Variants in PTCH1 observed in about 807,000 individuals in gnomAD.
PTCH1 encodes patched 1, also known as protein patched homolog 1.
Under a neutral mutation model 144.6 loss-of-function variants are expected in PTCH1, and 14 were observed. The observed-to-expected ratio is 0.10, with a 90% CI of 0.06 to 0.15. The LOEUF is 0.15. Among genes scored for constraint, PTCH1 ranks in the 10% least tolerant of loss-of-function variants. The pLI is 1.00. For missense variants in PTCH1, 1,623 were observed against 1,948.3 expected (o/e 0.83, Z 3.14); for synonymous variants, 833 against 793.6 (o/e 1.05, Z -0.83).
chr9:95,478,292 T>G (rs2118344461), intron 8 of PTCH1, 106 bp from the exon 9 acceptor site: 3 of 1,542,752 alleles, frequency 1.9e-6, no homozygotes, highest in East Asian at 2.3e-5. Flanking sequence ...TTTTTTCTGA[T>G]GCATTTTTTA....
intron 2 of PTCH1, among the ~76,000 whole-genome samples, chr9:95,488,890 G>C (rs1472548394): frequency 1.3e-5 from 2 of 152,210 alleles, no homozygotes; most frequent in African/African-American, 4.8e-5. Context: ...GAGAAACAGC[G>C]TTCTGGGTAG....
At chr9:95,470,813 G>A (rs1008318986) in intron 12 of PTCH1, among the ~76,000 whole-genome samples, 8 of 152,120 alleles carry the variant, frequency 5.3e-5, no homozygotes, top group African/African-American at 1.7e-4. Flanking sequence ...GGTGGCTCAC[G>A]CCTATAATCC....
chr9:95,515,967 C>T (rs1450697459), intron 1 of PTCH1, among the ~76,000 whole-genome samples: 1 of 151,974 alleles, frequency 6.6e-6, no homozygotes, highest in Non-Finnish European at 1.5e-5. Flanking sequence ...CTGGCGGCAG[C>T]GGCTTCCGCG....
chr9:95,505,913 G>A (rs1484194488), intron 2 of PTCH1, among the ~76,000 whole-genome samples: 1 of 143,442 alleles, frequency 7.0e-6, no homozygotes, highest in Non-Finnish European at 1.5e-5. Context: ...CGCGGCGGCC[G>A]CGGCCGCCGG....
chr9:95,479,669 C>T (rs1002704006), intron 7 of PTCH1, among the ~76,000 whole-genome samples: 3 of 152,134 alleles, frequency 2.0e-5, no homozygotes, highest in African/African-American at 7.2e-5. Flanking sequence ...CAGTGTGTCC[C>T]GGCCTACTTT....
chr9:95,460,077 A>G (rs1168376623), intron 16 of PTCH1: 1 of 448,280 alleles, frequency 2.2e-6, no homozygotes. Flanking sequence ...AAGGCAGAGA[A>G]TGAACAATCT....
upstream of PTCH1, among the ~76,000 whole-genome samples, chr9:95,510,094 C>G (rs1294220631): frequency 6.6e-6 from 1 of 151,304 alleles, no homozygotes; most frequent in Non-Finnish European, 1.5e-5. Context: ...GAGGCAGAGG[C>G]GTTTTTATTT....
chr9:95,475,995 CG>C (rs770455556), intron 12 of PTCH1, 38 bp downstream of exon 12: 1 of 1,612,170 alleles, frequency 6.2e-7, no homozygotes, highest in Non-Finnish European at 8.5e-7. Flanking sequence ...GTCAGTGCCC[CG>C]TTCAGGATCA....
chr9:95,462,419 ACATT>A (rs1378204725), intron 15 of PTCH1, among the ~76,000 whole-genome samples: 1 of 152,164 alleles, frequency 6.6e-6, no homozygotes, highest in African/African-American at 2.4e-5. Flanking sequence ...GGGAAAAAGC[ACATT>A]CAAACTCCCC....
In PTCH1 at chr9:95,444,509, G is replaced by GCACGCACACA. The variant is rs1554687133; in HGVS notation, c.*1883_*1884insTGTGTGCGTG. The stretch of plus-strand genomic sequence containing the variant: ...CAGAGACACACACACACGCACGCAC[G>GCACGCACACA]CACACACACACACACACACCCAGCA... On this transcript the variant is annotated 3_prime_UTR_variant, in exon 24 of 24. Coordinates refer to ENST00000331920, the MANE Select transcript of PTCH1 (RefSeq NM_000264.5). The GCACGCACACA allele has an allele frequency of 6.7e-6, 1 of 149,002 alleles. No individual in the cohort carries two copies. Among genetic ancestry groups the GCACGCACACA allele is most frequent in the African/African-American group, 2.5e-5 (1 of 40,694 alleles). 9.2% of individuals were successfully genotyped at this position (149,002 alleles called of 1,614,324 possible). A position where few individuals can be genotyped will look rare whatever the true frequency, so the allele number is the denominator to read the frequency against.
At position 95,449,786 on chromosome 9, in the gene PTCH1, G is replaced by A; in HGVS notation, c.3549+55C>T. ...AAGTATCGAAGTGAAGAGCGGCACA[G>A]GAAACACAGCATTCAGCCGGCCTAC... is the stretch of plus-strand genomic sequence containing the variant. On this transcript the variant is annotated intron_variant, in intron 21 of 23. Transcript: ENST00000331920. The surrounding 1 kb of genome is among the most constrained non-coding windows in gnomAD (Gnocchi z 5.3). The A allele has an allele frequency of 1.3e-6, 2 of 1,498,614 alleles. No homozygotes were observed. Among genetic ancestry groups the A allele is most frequent in the Non-Finnish European group, 1.9e-6 (2 of 1,077,732 alleles). 92.8% of individuals were successfully genotyped at this position (1,498,614 alleles called of 1,614,324 possible). A position where few individuals can be genotyped will look rare whatever the true frequency, so the allele number is the denominator to read the frequency against.
chr9:95,496,046 T>C (rs1358215919), intron 2 of PTCH1, among the ~76,000 whole-genome samples: 1 of 152,194 alleles, frequency 6.6e-6, no homozygotes, highest in African/African-American at 2.4e-5. Context: ...TTTGGCGTAT[T>C]CACCAACAAG....
intron 2 of PTCH1, among the ~76,000 whole-genome samples, chr9:95,501,379 C>A (rs935486140): frequency 1.3e-5 from 2 of 152,018 alleles, no homozygotes; most frequent in African/African-American, 2.4e-5. Flanking sequence ...GGTTGAGGGA[C>A]CTTGCTCCAA....
Position 95,508,478 on chromosome 9 carries a change from C to T in PTCH1, c.-117G>A. 9.8e-7 allele frequency: 1 copy of T among 1,021,730 alleles called. No homozygotes were observed. Among genetic ancestry groups the T allele is most frequent in the Non-Finnish European group, 1.2e-6 (1 of 853,868 alleles). 63.3% of individuals were successfully genotyped at this position (1,021,730 alleles called of 1,614,324 possible). On this transcript the variant is annotated 5_prime_UTR_variant, in exon 1 of 24. Transcript: ENST00000331920. ...GGGCGCTCGGCTTGCGAGGACGCTG[C>T]TGGCCGCAGGCTGCTCGGGCTCGGG...
At chr9:95,515,031 C>T (rs187575453) in intron 1 of PTCH1, among the ~76,000 whole-genome samples, 3 of 152,248 alleles carry the variant, frequency 2.0e-5, no homozygotes, top group African/African-American at 7.2e-5. Flanking sequence ...CAATCGAAAG[C>T]CCCTTGTTTT....
At chr9:95,490,161 A>G (rs148369874) in intron 2 of PTCH1, among the ~76,000 whole-genome samples, 183 of 151,254 alleles carry the variant, frequency 1.2e-3, no homozygotes, top group African/African-American at 4.1e-3. Context: ...CAATTTTTCT[A>G]CAATGAAAGA....
chr9:95,462,051 T>C (rs1344883773), intron 15 of PTCH1, 53 bp from the exon 16 acceptor site: 13 of 1,609,994 alleles, frequency 8.1e-6, no homozygotes, highest in South Asian at 1.1e-5. Flanking sequence ...AGAAGGACCC[T>C]GGTCCTAGCG....
intron 12 of PTCH1, among the ~76,000 whole-genome samples, chr9:95,471,883 C>CA (rs1354939380): frequency 6.6e-6 from 1 of 152,124 alleles, no homozygotes; most frequent in Non-Finnish European, 1.5e-5. Flanking sequence ...ACTAAAAACA[C>CA]AAAGTTAGCC....
rs1033705824 is a variant in PTCH1 at position 95,449,676 on chromosome 9, C to A, written c.3549+165G>T. ...GAACCAAACCGAACCCGCCCTCTAG[C>A]CCTCAAAGCCAGTACACCGAAGAGG... On this transcript the variant is annotated intron_variant, in intron 21 of 23. Transcript: ENST00000331920. This position sits in a 1 kb window ranked among gnomAD's most constrained non-coding sequence, Gnocchi z 5.3. The A allele has an allele frequency of 5.2e-6, 4 of 769,650 alleles. No homozygotes were observed. The African/African-American group carries it at 5.2e-5, about 10-fold the overall frequency. 47.7% of individuals were successfully genotyped at this position (769,650 alleles called of 1,614,324 possible).
Sources: allele counts gnomAD v4.1 joint callset (sites outside exome capture counted in the v4.1 genomes callset), GRCh38; gene constraint gnomAD v4.1.1; non-coding constraint Gnocchi (gnomAD v3.1); transcripts MANE v1.5; gene names NCBI Gene and HGNC (gene_info 2026-07-23, HGNC 2026-07-21).